NREP: variants seen among roughly 807,000 people sequenced by gnomAD.
NREP encodes neuronal regeneration-related protein.
In NREP, 5 loss-of-function variants were observed where a neutral mutation model predicts 8.6. That is an observed-to-expected ratio of 0.58 (90% confidence interval 0.30 to 1.22). The LOEUF (loss-of-function observed/expected upper bound fraction) is 1.22, where lower values mean the gene tolerates loss of function less well. NREP is among the 50% of genes most tolerant of loss of function. NREP has a pLI of 0.07. For missense variants in NREP, 86 were observed against 82.5 expected (o/e 1.04, Z -0.17); for synonymous variants, 27 against 28.0 (o/e 0.96, Z 0.11).
intron 2 of NREP, among the ~76,000 whole-genome samples, chr5:111,850,473 C>T (rs1013915330): frequency 1.3e-5 from 2 of 152,134 alleles, no homozygotes; most frequent in African/African-American, 4.8e-5. Context: ...TCATTTTCTT[C>T]TCCTCACCCA....
At chr5:111,885,326 G>A in intron 2 of NREP, among the ~76,000 whole-genome samples, 1 of 151,622 alleles carries the variant, frequency 6.6e-6, no homozygotes, top group Non-Finnish European at 1.5e-5. Context: ...AAATAAAAGA[G>A]GATACAAACA....
chr5:111,928,481 C>T (rs1755450733), intron 2 of NREP, among the ~76,000 whole-genome samples: 1 of 151,992 alleles, frequency 6.6e-6, no homozygotes, highest in Admixed American at 6.6e-5. Flanking sequence ...AATCTACGTC[C>T]CTGTGCTAAC....
At chr5:111,809,459 T>C (rs539418296) in intron 2 of NREP, among the ~76,000 whole-genome samples, 1 of 152,176 alleles carries the variant, frequency 6.6e-6, no homozygotes, top group African/African-American at 2.4e-5. Flanking sequence ...GGTATTTAGG[T>C]CATGGGGACA....
At chr5:111,829,721 A>G (rs1314023383) in intron 2 of NREP, among the ~76,000 whole-genome samples, 1 of 152,176 alleles carries the variant, frequency 6.6e-6, no homozygotes. Context: ...TTCTGAGCTG[A>G]GGGATAATAG....
intron 2 of NREP, among the ~76,000 whole-genome samples, chr5:111,885,856 A>G: frequency 6.6e-6 from 1 of 152,212 alleles, no homozygotes; most frequent in Non-Finnish European, 1.5e-5. Flanking sequence ...TTAGACCTAA[A>G]ACCATAAAAA....
intron 2 of NREP, among the ~76,000 whole-genome samples, chr5:111,882,466 G>A (rs1022413403): frequency 6.6e-6 from 1 of 152,124 alleles, no homozygotes; most frequent in Non-Finnish European, 1.5e-5. Context: ...TTTGGATGCA[G>A]GAAATACAGA....
At chr5:111,976,063 T>G (rs26545) in intron 1 of NREP, among the ~76,000 whole-genome samples, 56,381 of 151,976 alleles carry the variant, frequency 0.37, 10,895 homozygotes, top group South Asian at 0.57. Flanking sequence ...AAGTATAGAT[T>G]AACTATGTTG....
At chr5:111,758,294 T>G (rs972043294), upstream of NREP, 1 of 978,876 alleles carries the variant, frequency 1.0e-6, no homozygotes, top group Non-Finnish European at 1.2e-6. Flanking sequence ...GCCCAAGACA[T>G]ACTCCCCTGG....
intron 2 of NREP, among the ~76,000 whole-genome samples, chr5:111,827,522 T>C (rs1204171069): frequency 6.6e-6 from 1 of 152,164 alleles, no homozygotes; most frequent in East Asian, 1.9e-4. Flanking sequence ...TTCCAGAAAA[T>C]GGTTATGCCA....
intron 2 of NREP, among the ~76,000 whole-genome samples, chr5:111,961,553 A>G (rs1250385725): frequency 6.6e-6 from 1 of 152,170 alleles, no homozygotes; most frequent in Non-Finnish European, 1.5e-5. Context: ...TGTTCACTCA[A>G]CTTCAAAGGG....
At position 111,959,819 on chromosome 5, in the gene NREP, C is replaced by G. The variant is rs542855771; in HGVS notation, c.135+15455G>C. Among the ~76,000 whole-genome samples the G allele has an allele frequency of 2.7e-3, 408 of 152,046 alleles. 2 individuals carry two copies. The highest frequency in any genetic ancestry group is 3.8e-3 in the Non-Finnish European group (256 of 67,880). ...ATTCCACTGATGTATATACACCATACAGCATTAATTTTCAAGCTGTATATT... is the reference window on the plus strand; with the variant it reads ...ATTCCACTGATGTATATACACCATAGAGCATTAATTTTCAAGCTGTATATT... On this transcript the variant is annotated intron_variant, in intron 2 of 3. Transcript: ENST00000395634.
chr5:111,808,025 C>G (rs1166025998), intron 2 of NREP, among the ~76,000 whole-genome samples: 1 of 152,196 alleles, frequency 6.6e-6, no homozygotes, highest in Non-Finnish European at 1.5e-5. Flanking sequence ...ATGACTTTTT[C>G]TCCTGCTTTA....
At chr5:111,897,400 C>T (rs573867935) in intron 2 of NREP, among the ~76,000 whole-genome samples, 4 of 152,258 alleles carry the variant, frequency 2.6e-5, no homozygotes, top group African/African-American at 7.2e-5. Context: ...CAAATGTTAA[C>T]GGCTCATTTT....
At chr5:111,884,563 C>T (rs1336685645) in intron 2 of NREP, among the ~76,000 whole-genome samples, 1 of 152,068 alleles carries the variant, frequency 6.6e-6, no homozygotes. Context: ...AACATTGATG[C>T]AAAAATCCTC....
intron 2 of NREP, among the ~76,000 whole-genome samples, chr5:111,867,907 A>G (rs1196084532): frequency 6.6e-6 from 1 of 152,102 alleles, no homozygotes; most frequent in Non-Finnish European, 1.5e-5. Context: ...ATTCAAAATG[A>G]TGTGCAATCA....
At chr5:111,800,581 C>T (rs1370473992) in intron 2 of NREP, among the ~76,000 whole-genome samples, 1 of 152,218 alleles carries the variant, frequency 6.6e-6, no homozygotes, top group African/African-American at 2.4e-5. Flanking sequence ...GTGGAACATT[C>T]ATGAAGCTCC....
intron 2 of NREP, among the ~76,000 whole-genome samples, chr5:111,830,931 A>G (rs887474277): frequency 6.6e-6 from 1 of 152,234 alleles, no homozygotes; most frequent in Non-Finnish European, 1.5e-5. Flanking sequence ...AAACTACAGC[A>G]GAAATTGATG....
chr5:111,841,798 A>G (rs1753036997), intron 2 of NREP, among the ~76,000 whole-genome samples: 1 of 152,150 alleles, frequency 6.6e-6, no homozygotes, highest in African/African-American at 2.4e-5. Flanking sequence ...GTCAATAAGC[A>G]GAGTAGAGAT....
At chr5:111,806,109 G>C (rs970104367) in intron 2 of NREP, among the ~76,000 whole-genome samples, 1 of 152,146 alleles carries the variant, frequency 6.6e-6, no homozygotes, top group Non-Finnish European at 1.5e-5. Context: ...CCTCTCTTCT[G>C]TGGGTTTGAA....
Sources: gnomAD v4.1 joint callset for allele counts (sites outside exome capture counted in the v4.1 genomes callset) on GRCh38, gnomAD v4.1.1 for gene constraint, MANE v1.5 for transcripts, NCBI Gene and HGNC (gene_info 2026-07-23, HGNC 2026-07-21) for gene names.